The following LAMA2 variants were observed in gnomAD, a reference collection of about 807,000 sequenced individuals.
The protein encoded by LAMA2 is laminin subunit alpha 2.
A neutral mutation model predicts 364.8 loss-of-function variants in LAMA2; 269 were observed. The ratio of observed to expected loss-of-function variants is 0.74; its 90% CI spans 0.67 to 0.82. LAMA2 has a LOEUF of 0.82. LAMA2 is among the 40% of genes least tolerant of loss of function. The probability of loss-of-function intolerance (pLI) is 0.00; values close to 1 mark genes in which losing one functional copy is unlikely to be tolerated. For missense variants in LAMA2, 3,807 were observed against 3,873.2 expected, an observed-to-expected ratio of 0.98 and a Z score of 0.45; for synonymous variants, 1,379 against 1,370.6, an observed-to-expected ratio of 1.01 and a Z score of -0.14.
chr6:129,386,501 T>C (rs1779026153), intron 35 of LAMA2, among the ~76,000 whole-genome samples: 2 of 151,916 alleles, frequency 1.3e-5, no homozygotes, highest in Admixed American at 1.3e-4. Flanking sequence ...ATGAGAGAAA[T>C]GGAAAATGAC....
At chr6:129,453,268 G>A (rs946028697) in intron 46 of LAMA2, 137 bp downstream of exon 46, 13 of 785,794 alleles carry the variant, frequency 1.7e-5, no homozygotes, top group Middle Eastern at 3.6e-4. Flanking sequence ...AAACCTCAAC[G>A]TCTTACCTTA....
At chr6:129,156,270 T>C (rs949843718) in intron 8 of LAMA2, among the ~76,000 whole-genome samples, 1 of 151,804 alleles carries the variant, frequency 6.6e-6, no homozygotes, top group Non-Finnish European at 1.5e-5. Context: ...AAACAAGTAT[T>C]GAGGAAAATA....
intron 32 of LAMA2, among the ~76,000 whole-genome samples, chr6:129,362,033 C>T (rs1407707852): frequency 1.3e-5 from 2 of 152,010 alleles, no homozygotes; most frequent in Non-Finnish European, 1.5e-5. Flanking sequence ...ATCTGCCCAT[C>T]TCAAGCCTCC....
chr6:129,411,715 G>A (rs559986209), intron 40 of LAMA2, among the ~76,000 whole-genome samples: 4 of 152,160 alleles, frequency 2.6e-5, no homozygotes, highest in Admixed American at 6.5e-5. Context: ...CTACAAATAC[G>A]CTTCATTTGC....
chr6:129,048,528 CCTTCCTTCCTTCCTTT>C (rs1787737163), intron 1 of LAMA2, among the ~76,000 whole-genome samples: 1 of 46,326 alleles, frequency 2.2e-5, no homozygotes, highest in African/African-American at 8.4e-5. Flanking sequence ...TTCCTTCCTT[CCTTCCTTCCTTCCTTT>C]CTTTCTTTCT....
Position 129,192,676 on chromosome 6 carries a change from T to G in LAMA2, c.1609-4T>G, listed in dbSNP as rs1220074335. On this transcript the variant is annotated splice_region_variant and splice_polypyrimidine_tract_variant and intron_variant, in intron 11 of 64. Coordinates refer to ENST00000421865, the MANE Select transcript of LAMA2 (RefSeq NM_000426.4). ...ATTAATGATGACTGTGTGTTTTCTC[T>G]AAGATACAAGATATGAGTGGCTGGT... 6.2e-7 allele frequency: 1 copy of G among 1,613,788 alleles called. No homozygotes were observed. Among genetic ancestry groups the G allele is most frequent in the South Asian group, 1.1e-5 (1 of 91,074 alleles).
intron 1 of LAMA2, among the ~76,000 whole-genome samples, chr6:128,953,326 A>G (rs2114573844): frequency 6.6e-6 from 1 of 152,318 alleles, no homozygotes; most frequent in African/African-American, 2.4e-5. Flanking sequence ...GCAATGAAAA[A>G]AGGCCCTCTA....
At chr6:129,138,755 A>G (rs1777947206) in intron 4 of LAMA2, among the ~76,000 whole-genome samples, 2 of 152,140 alleles carry the variant, frequency 1.3e-5, no homozygotes, top group Non-Finnish European at 1.5e-5. Flanking sequence ...TACATATAAT[A>G]AAGCTACTGA....
chr6:129,030,615 T>C (rs1264176783), intron 1 of LAMA2, among the ~76,000 whole-genome samples: 4 of 152,192 alleles, frequency 2.6e-5, no homozygotes, highest in Admixed American at 1.3e-4. Context: ...ACATTTATTA[T>C]GGTCAATGAA....
intron 12 of LAMA2, among the ~76,000 whole-genome samples, chr6:129,244,494 C>A (rs1357592447): frequency 6.6e-6 from 1 of 152,004 alleles, no homozygotes; most frequent in African/African-American, 2.4e-5. Flanking sequence ...TATTATAAAG[C>A]CTTTTTCTCA....
chr6:129,048,222 A>T (rs941013431), intron 1 of LAMA2, among the ~76,000 whole-genome samples: 1 of 152,190 alleles, frequency 6.6e-6, no homozygotes, highest in Non-Finnish European at 1.5e-5. Flanking sequence ...ACAAACATTT[A>T]TGAGTCCAAT....
chr6:129,306,985 T>G (rs1180145166), intron 22 of LAMA2, among the ~76,000 whole-genome samples: 2 of 152,224 alleles, frequency 1.3e-5, no homozygotes, highest in Non-Finnish European at 2.9e-5. Context: ...TTTTCTTGAT[T>G]CTTTACATGC....
intron 22 of LAMA2, among the ~76,000 whole-genome samples, chr6:129,309,902 A>ATTTTTTTTTTTTTTTTTTTTT (rs993652081): frequency 1.6e-4 from 22 of 135,768 alleles, no homozygotes; most frequent in African/African-American, 5.9e-4. Context: ...CCTGATAATC[A>ATTTTTTTTTTTTTTTTTTTTT]TTTTTTTTTT....
chr6:129,285,208 C>T (rs77638028), intron 18 of LAMA2, among the ~76,000 whole-genome samples: 4,527 of 152,168 alleles, frequency 0.03, 180 homozygotes, highest in African/African-American at 0.1. Flanking sequence ...TAATTCCTAA[C>T]GGAACACCTT....
At chr6:129,337,400 C>T (rs1160332134) in intron 29 of LAMA2, among the ~76,000 whole-genome samples, 1 of 152,096 alleles carries the variant, frequency 6.6e-6, no homozygotes. Flanking sequence ...TAATAGTATT[C>T]TTAGATATTT....
intron 20 of LAMA2, 55 bp downstream of exon 20, chr6:129,291,775 C>T (rs756291531): frequency 4.2e-5 from 48 of 1,135,478 alleles, no homozygotes; most frequent in Non-Finnish European, 5.5e-5. Flanking sequence ...TTTTCACTGG[C>T]TTTTCATGAC....
At chr6:129,214,538 TC>T (rs991209512) in intron 12 of LAMA2, among the ~76,000 whole-genome samples, 1 of 152,208 alleles carries the variant, frequency 6.6e-6, no homozygotes, top group African/African-American at 2.4e-5. Context: ...GAAAACACTT[TC>T]CTTTCTTCAT....
At chr6:129,501,621 C>T (rs930685579) in intron 58 of LAMA2, among the ~76,000 whole-genome samples, 1 of 152,200 alleles carries the variant, frequency 6.6e-6, no homozygotes, top group African/African-American at 2.4e-5. Flanking sequence ...GCTTGAGAAC[C>T]TCTGCTGAGT....
Position 129,454,298 on chromosome 6 carries a change from T to A in LAMA2, c.6707+10T>A. On this transcript the variant is annotated intron_variant, in intron 47 of 64. Transcript: ENST00000421865. The stretch of plus-strand genomic sequence containing the variant: ...GTATCGTAGCATCAAGGTAACCAAC[T>A]TAATAAAGATTAAGATAATTAAATG... The A allele has an allele frequency of 6.2e-7, 1 of 1,601,340 alleles. No individual in the cohort carries two copies. Among genetic ancestry groups the A allele is most frequent in the Non-Finnish European group, 8.6e-7 (1 of 1,169,322 alleles).
Sources: allele counts gnomAD v4.1 joint callset (sites outside exome capture counted in the v4.1 genomes callset), GRCh38; gene constraint gnomAD v4.1.1; transcripts MANE v1.5; gene names NCBI Gene and HGNC (gene_info 2026-07-23, HGNC 2026-07-21).